The following BLM variants were observed in gnomAD, a reference collection of about 807,000 sequenced individuals.
BLM encodes the protein recQ-like DNA helicase BLM.
In BLM, 95 loss-of-function variants were observed where a neutral mutation model predicts 135.3. The ratio of observed to expected loss-of-function variants is 0.70; its 90% CI spans 0.59 to 0.83. The LOEUF (loss-of-function observed/expected upper bound fraction) is 0.83, where lower values mean the gene tolerates loss of function less well. Among genes scored for constraint, BLM ranks in the 40% least tolerant of loss-of-function variants. The pLI is 0.00. For synonymous variants in BLM, 520 were observed against 589.2 expected (o/e 0.88, Z 1.70); for missense variants, 1,518 against 1,663.9 (o/e 0.91, Z 1.53).
chr15:90,801,165 T>TA (rs151335121), intron 17 of BLM, among the ~76,000 whole-genome samples: 58 of 75,032 alleles, frequency 7.7e-4, no homozygotes, highest in South Asian at 1.2e-3. Flanking sequence ...AAAAAAGTTG[T>TA]AAAAAAAAAA....
rs750551907 is a variant in BLM, at chr15:90,751,807, A to G, written c.820A>G (p.Asn274Asp). The change falls in exon 4 of 22, where the codon AAT (asparagine) becomes GAT (aspartate). Residue 274 changes from asparagine (N) to aspartate (D), a missense_variant. By Grantham distance (23) the Asn-to-Asp change is conservative. Around this residue, in one of 5 missense-constraint regions of BLM, gnomAD observed 724 missense variants for 756.9 expected, o/e 0.96. Coordinates refer to ENST00000355112, the MANE Select transcript of BLM (RefSeq NM_000057.4). ...TGTAGATAATAGCGAAAAGAAGAAGAATTTGGAAGAAGCTGAATTACATTC... is the reference window on the plus strand; with the variant it reads ...TGTAGATAATAGCGAAAAGAAGAAGGATTTGGAAGAAGCTGAATTACATTC... Reference protein sequence around the residue: ...DERDNSEKKKNLEEAELHSTE... With the variant: ...DERDNSEKKKDLEEAELHSTE... The G allele has an allele frequency of 5.0e-6, 8 of 1,612,452 alleles. No homozygotes were observed. The African/African-American group carries it at 1.1e-4, about 22-fold the overall frequency.
chr15:90,731,054 C>A (rs1895056072), intron 1 of BLM, among the ~76,000 whole-genome samples: 1 of 152,070 alleles, frequency 6.6e-6, no homozygotes, highest in African/African-American at 2.4e-5. Flanking sequence ...ATCCTCCCAT[C>A]TCAGCTTCCC....
intron 19 of BLM, among the ~76,000 whole-genome samples, chr15:90,807,328 G>T (rs1463606196): frequency 6.6e-6 from 1 of 152,188 alleles, no homozygotes; most frequent in Non-Finnish European, 1.5e-5. Flanking sequence ...GCACTTGGTT[G>T]TACTTGCGAG....
intron 14 of BLM, among the ~76,000 whole-genome samples, chr15:90,788,471 G>GTTTTTTTTTTTTTTTTTTTTTTTTTTTT (rs35158343): frequency 5.3e-5 from 5 of 94,994 alleles, no homozygotes; most frequent in Non-Finnish European, 6.0e-5. Flanking sequence ...CCAGTGTTTT[G>GTTTTTTTTTTTTTTTTTTTTTTTTTTTT]TTTTTTTTTT....
Position 90,767,000 on chromosome 15 carries a change from C to T in BLM, c.2284C>T (p.Leu762Phe). The part of the protein sequence containing the change: ...QLSKKDPIIK[L>F]LYVTPEKICA... ...ATCAAAAAAAGACCCAATCATAAAA[C>T]TTCTATATGTCACTCCAGAAAAGGT... is the stretch of plus-strand genomic sequence containing the variant. Residue 762 changes from leucine to phenylalanine, a missense_variant, in exon 10 of 22, where the codon CTT becomes TTT. Coordinates refer to ENST00000355112, the MANE Select transcript of BLM (RefSeq NM_000057.4). 6.3e-7 allele frequency: 1 copy of T among 1,575,594 alleles called. No homozygotes were observed. The highest frequency in any genetic ancestry group is 1.1e-5 in the South Asian group (1 of 89,308).
In BLM at chr15:90,760,191, C is replaced by G. The variant is rs752240971; in HGVS notation, c.1132C>G (p.His378Asp). 6.2e-7 allele frequency: 1 copy of G among 1,612,442 alleles called. No homozygotes were observed. The highest frequency in any genetic ancestry group is 1.3e-5 in the African/African-American group (1 of 74,896). The change falls in exon 6 of 22, where the codon CAC becomes GAC. Residue 378 changes from histidine to aspartate, a missense_variant. Around this residue, in one of 5 missense-constraint regions of BLM, gnomAD observed 724 missense variants for 756.9 expected, o/e 0.96. Transcript: ENST00000355112. Reference sequence around the variant, plus strand: ...GCAGCAGCTTATTCATGTGATGGAGCACATCTGTAAATTAATTGATACTAT... The same window carrying G: ...GCAGCAGCTTATTCATGTGATGGAGGACATCTGTAAATTAATTGATACTAT... ...LQQQLIHVMEHICKLIDTIPD... is the reference protein window; with the variant it reads ...LQQQLIHVMEDICKLIDTIPD...
chr15:90,790,376 G>A, intron 14 of BLM: 1 of 455,628 alleles, frequency 2.2e-6, no homozygotes, highest in African/African-American at 2.0e-5. Context: ...GTTGATTCTG[G>A]CTCTCTTACA....
chr15:90,787,094 G>C (rs1267930119), intron 14 of BLM, among the ~76,000 whole-genome samples: 1 of 131,428 alleles, frequency 7.6e-6, no homozygotes, highest in Non-Finnish European at 1.5e-5. Flanking sequence ...CTGTCGCCCA[G>C]GCTGGAGTGC....
rs1896031109 is a variant in BLM at position 90,763,118 on chromosome 15, G to A, written c.2035G>A (p.Ala679Thr). 2 of 1,614,068 alleles carry A rather than the reference G, an allele frequency of 1.2e-6. No individual in the cohort carries two copies. The highest frequency in any genetic ancestry group is 2.7e-5 in the African/African-American group (2 of 75,008). The change falls in exon 8 of 22, where the codon GCA (alanine) becomes ACA (threonine). Residue 679 changes from alanine (A) to threonine (T), a missense_variant. Transcript: ENST00000355112. ...TAATCAGCTAGAGGCGATCAATGCT[G>A]CACTGCTTGGTGAAGACTGTTTTAT... ...RTNQLEAINA[A>T]LLGEDCFILM...
chr15:90,812,323 G>A (rs1268630786), intron 21 of BLM, among the ~76,000 whole-genome samples: 2 of 152,262 alleles, frequency 1.3e-5, no homozygotes, highest in South Asian at 2.1e-4. Context: ...TAGGGGTTGC[G>A]TAAATGGCTT....
chr15:90,785,566 CAG>C (rs1896726510), intron 14 of BLM, among the ~76,000 whole-genome samples: 1 of 144,500 alleles, frequency 6.9e-6, no homozygotes, highest in Admixed American at 7.1e-5. Flanking sequence ...TTTCCGGAGA[CAG>C]AGTCTCACTC....
At chr15:90,752,747 A>G (rs960089134) in intron 4 of BLM, among the ~76,000 whole-genome samples, 1 of 152,234 alleles carries the variant, frequency 6.6e-6, no homozygotes, top group Non-Finnish European at 1.5e-5. Flanking sequence ...GCTAAGTGTC[A>G]ATGTTACCTT....
In BLM at chr15:90,749,671, G is replaced by T. The variant is rs373832397; in HGVS notation, c.403G>T (p.Ala135Ser). The change falls in exon 3 of 22, where the codon GCT becomes TCT. Residue 135 changes from alanine (A) to serine (S), a missense_variant. Coordinates refer to ENST00000355112, the MANE Select transcript of BLM (RefSeq NM_000057.4). Reference sequence around the variant, plus strand: ...AACTGTAAAGAAATCCCGGGATACTGCTCTCAAGAAATTAGAATTTAGTTC... The same window carrying T: ...AACTGTAAAGAAATCCCGGGATACTTCTCTCAAGAAATTAGAATTTAGTTC... ...TPTVKKSRDT[A>S]LKKLEFSSSP... The T allele has an allele frequency of 6.6e-5, 107 of 1,614,032 alleles. No homozygotes were observed. Among genetic ancestry groups the T allele is most frequent in the Middle Eastern group, 3.3e-4 (2 of 6,084 alleles).
intron 5 of BLM, among the ~76,000 whole-genome samples, chr15:90,756,197 A>G (rs1895814176): frequency 6.6e-6 from 1 of 151,146 alleles, no homozygotes; most frequent in African/African-American, 2.4e-5. Flanking sequence ...TCCGCCTTCC[A>G]GGATCAAGTG....
At position 90,755,020 on chromosome 15, in the gene BLM, C is replaced by A. The variant is rs559955076; in HGVS notation, c.1087+82C>A. ...CGTAACACAAAGATTGTGTTTTGAA[C>A]CTGTGGCTGTATGTTATAAAATGGC... On this transcript the variant is annotated intron_variant, in intron 5 of 21. Coordinates refer to ENST00000355112, the MANE Select transcript of BLM (RefSeq NM_000057.4). 5.4e-4 allele frequency: 820 copies of A among 1,527,914 alleles called. 2 individuals carry two copies. Among genetic ancestry groups the A allele is most frequent in the Middle Eastern group, 4.1e-3 (24 of 5,826 alleles). The allele number at this position is 1,527,914 out of a possible 1,614,324, so 94.6% of individuals were successfully genotyped here. A position where few individuals can be genotyped will look rare whatever the true frequency, so the allele number is the denominator to read the frequency against.
intron 16 of BLM, among the ~76,000 whole-genome samples, chr15:90,794,877 CTCT>C (rs1294791923): frequency 6.6e-6 from 1 of 150,464 alleles, no homozygotes; most frequent in Non-Finnish European, 1.5e-5. Context: ...AATTACATTA[CTCT>C]TTTTTTTTAA....
chr15:90,772,412 T>C (rs1186400676), intron 12 of BLM, among the ~76,000 whole-genome samples: 2 of 152,150 alleles, frequency 1.3e-5, no homozygotes, highest in African/African-American at 4.8e-5. Flanking sequence ...AGAACAATAA[T>C]AATAGCTAAC....
chr15:90,749,342 AT>A lies in BLM; in HGVS notation c.99-24del, dbSNP rs757016281. On this transcript the variant is annotated intron_variant, in intron 2 of 21. Coordinates refer to ENST00000355112, the MANE Select transcript of BLM (RefSeq NM_000057.4). Reference sequence around the variant, plus strand: ...GGGTTTCTTAAAATGGATCCATCTAATCTAGTTTTTCCATTATTTTTCAGAG... The same window carrying A: ...GGGTTTCTTAAAATGGATCCATCTAACTAGTTTTTCCATTATTTTTCAGAG... 4.5e-6 allele frequency: 7 copies of A among 1,545,216 alleles called. No homozygotes were observed. The Admixed American group carries it at 1.2e-4, about 26-fold the overall frequency.
chr15:90,806,930 A>G (rs2283451), intron 19 of BLM, among the ~76,000 whole-genome samples: 115,521 of 151,686 alleles, frequency 0.76, 44,462 homozygotes, highest in African/African-American at 0.86. Context: ...TTTATTGAAA[A>G]AATTGTGTTT....
Sources: allele counts gnomAD v4.1 joint callset (sites outside exome capture counted in the v4.1 genomes callset), GRCh38; gene constraint gnomAD v4.1.1; regional missense constraint gnomAD v4.1.1; transcripts MANE v1.5; gene names NCBI Gene and HGNC (gene_info 2026-07-23, HGNC 2026-07-21).